Variants in NCAPH2 observed in about 807,000 individuals in gnomAD.
The protein encoded by NCAPH2 is non-SMC condensin II complex subunit H2, also known as condensin-2 complex subunit H2.
Under a neutral mutation model 88.6 loss-of-function variants are expected in NCAPH2, and 56 were observed. The observed-to-expected ratio is 0.63, with a 90% CI of 0.51 to 0.79. The LOEUF (loss-of-function observed/expected upper bound fraction) is 0.79. Ranked by LOEUF, NCAPH2 falls within the 30% of genes least tolerant of loss-of-function variation. The probability of loss-of-function intolerance (pLI) is 0.00; values close to 1 mark genes in which losing one functional copy is unlikely to be tolerated. For synonymous variants in NCAPH2, 378 were observed against 313.6 expected, an observed-to-expected ratio of 1.21 and a Z score of -2.17; for missense variants, 794 against 792.0, an observed-to-expected ratio of 1.00 and a Z score of -0.03.
intron 1 of NCAPH2, among the ~76,000 whole-genome samples, chr22:50,511,328 C>T (rs1464238253): frequency 1.5e-5 from 2 of 132,736 alleles, no homozygotes; most frequent in Non-Finnish European, 3.0e-5. Context: ...CTCACTCTGT[C>T]GCCCAGGCTG....
At chr22:50,518,825 C>T (rs1336226991) in intron 8 of NCAPH2, 93 bp downstream of exon 8, 12 of 1,241,394 alleles carry the variant, frequency 9.7e-6, no homozygotes, top group Non-Finnish European at 4.5e-6. Flanking sequence ...AGGGGCTGCT[C>T]TCAGCTGCCA....
rs140833290 is a variant in NCAPH2 at position 50,517,453 on chromosome 22, C to T, written c.237C>T (p.Tyr79=). ...KKVEYLYSLV[Y]QALDFISGKR... ...TGGAATACCTCTACTCACTCGTCTACCAGGCCCTTGATTTCATCTCTGGAA... is the reference window on the plus strand; with the variant it reads ...TGGAATACCTCTACTCACTCGTCTATCAGGCCCTTGATTTCATCTCTGGAA... The change falls in exon 3 of 20, where the codon TAC becomes TAT. Residue 79 remains tyrosine, a synonymous_variant. Coordinates refer to ENST00000420993, the MANE Select transcript of NCAPH2 (RefSeq NM_152299.4). The T allele has an allele frequency of 1.7e-4, 274 of 1,613,938 alleles. No homozygotes were observed. The highest frequency in any genetic ancestry group is 2.3e-4 in the Non-Finnish European group (267 of 1,180,040).
chr22:50,517,531 G>GC, intron 3 of NCAPH2, 46 bp from the exon 4 acceptor site: 1 of 1,613,922 alleles, frequency 6.2e-7, no homozygotes, highest in South Asian at 1.1e-5. Flanking sequence ...GGCCAGGGAG[G>GC]CCCCTGCAGC....
rs375795527 is a variant in NCAPH2 at position 50,523,872 on chromosome 22, G to T, written c.*497G>T. ...ACAGTCTTGGGTGGAAGTCCTGGAC[G>T]TAGCGGGCCATGGCTTCAACGTCGT... On this transcript the variant is annotated 3_prime_UTR_variant, in exon 20 of 20. Transcript: ENST00000420993. 6.2e-7 allele frequency: 1 copy of T among 1,613,844 alleles called. No homozygotes were observed. The highest frequency in any genetic ancestry group is 8.5e-7 in the Non-Finnish European group (1 of 1,180,044).
chr22:50,517,748 C>G lies in NCAPH2; in HGVS notation c.359C>G (p.Ser120Trp), dbSNP rs749838289. 1.2e-6 allele frequency: 2 copies of G among 1,613,912 alleles called. No individual in the cohort carries two copies. The highest frequency in any genetic ancestry group is 1.7e-6 in the Non-Finnish European group (2 of 1,180,040). The change falls in exon 5 of 20, where the codon TCG becomes TGG. Residue 120 changes from serine (S) to tryptophan (W), a missense_variant. This residue lies in a region of NCAPH2 where 735 missense variants were observed against 696.3 expected (regional missense o/e 1.06). Transcript: ENST00000420993. ...AGCTCTGTCTCCCTCCAGTTCCTGTCGCTGGATGACTTCCCTGACTCCCGG... is the reference window on the plus strand; with the variant it reads ...AGCTCTGTCTCCCTCCAGTTCCTGTGGCTGGATGACTTCCCTGACTCCCGG... ...VPQEAENEFL[S>W]LDDFPDSRTN...
intron 1 of NCAPH2, among the ~76,000 whole-genome samples, chr22:50,513,505 T>C (rs1041736011): frequency 5.9e-5 from 9 of 152,126 alleles, no homozygotes; most frequent in African/African-American, 2.2e-4. Context: ...ACGCCTGTAA[T>C]GCTAGCACTT....
At position 50,522,503 on chromosome 22, in the gene NCAPH2, G is replaced by A; in HGVS notation, c.1309G>A (p.Asp437Asn). 2.5e-6 allele frequency: 4 copies of A among 1,613,568 alleles called. No homozygotes were observed. The South Asian group carries it at 4.4e-5, about 18-fold the overall frequency. Residue 437 changes from aspartate to asparagine, a missense_variant and splice_region_variant, in exon 16 of 20, where the codon GAC becomes AAC. Asp to Asn is a conservative substitution (Grantham distance 23). Transcript: ENST00000420993. ...DSLEDLGAAD[D>N]FLEPEEYMEP... ...TTCACTCTCCCACCTCCCAGCAGAT[G>A]ACTTTCTAGAGCCTGAGGAGTACAT...
rs746346302 is a variant in NCAPH2, at chr22:50,523,810, G to A, written c.*435G>A. The A allele has an allele frequency of 1.9e-6, 3 of 1,614,018 alleles. No homozygotes were observed. The highest frequency in any genetic ancestry group is 1.7e-5 in the Admixed American group (1 of 60,006). On this transcript the variant is annotated 3_prime_UTR_variant, in exon 20 of 20. Transcript: ENST00000420993. ...GTAGTACACGCGGTAACTGTGACTA[G>A]CCTGGGCAACCTGTTTGGTGGAGCC...
At position 50,518,672 on chromosome 22, in the gene NCAPH2, C is replaced by A. The variant is rs1308848420; in HGVS notation, c.670C>A (p.Pro224Thr). 1 of 1,609,160 alleles carries A rather than the reference C, an allele frequency of 6.2e-7. No individual in the cohort carries two copies. Among genetic ancestry groups the A allele is most frequent in the African/African-American group, 1.3e-5 (1 of 74,864 alleles). Residue 224 changes from proline (P) to threonine (T), a missense_variant, in exon 8 of 20, where the codon CCA (proline) becomes ACA (threonine). Pro to Thr is a conservative substitution (Grantham distance 38). Coordinates refer to ENST00000420993, the MANE Select transcript of NCAPH2 (RefSeq NM_152299.4). ...AGACACCGGGAGGACTGAGGAGCAGCCAATGGAAGTTTCCGTGTGCAGGAG... is the reference window on the plus strand; with the variant it reads ...AGACACCGGGAGGACTGAGGAGCAGACAATGGAAGTTTCCGTGTGCAGGAG... ...QKDTGRTEEQ[P>T]MEVSVCRSPV... is the part of the protein sequence containing the mutation.
At chr22:50,517,884 G>A (rs1297013275) in intron 5 of NCAPH2, 75 bp downstream of exon 5, 2 of 1,602,230 alleles carry the variant, frequency 1.2e-6, no homozygotes, top group African/African-American at 2.7e-5. Flanking sequence ...AGCTGATGGG[G>A]TGTGGGAAGG....
At chr22:50,516,738 G>C (rs576297520) in intron 2 of NCAPH2, among the ~76,000 whole-genome samples, 190 bp downstream of exon 2, 8 of 152,336 alleles carry the variant, frequency 5.3e-5, no homozygotes, top group Admixed American at 3.9e-4. Flanking sequence ...CAGCCAGGCA[G>C]GGAGGGTCTT....
At chr22:50,522,291 G>A in intron 14 of NCAPH2, 40 bp downstream of exon 14, 1 of 1,608,810 alleles carries the variant, frequency 6.2e-7, no homozygotes, top group Admixed American at 1.7e-5. Context: ...GGACCCCGTG[G>A]TGGCCCTGAT....
At position 50,517,941 on chromosome 22, in the gene NCAPH2, G is replaced by T. The variant is rs147583129; in HGVS notation, c.421-32G>T. ...CTGTTCTCCACTGGAGTGGAAGGGT[G>T]CCTGGCTCACCCACCCTTGGCCTCC... On this transcript the variant is annotated intron_variant, in intron 5 of 19. Coordinates refer to ENST00000420993, the MANE Select transcript of NCAPH2 (RefSeq NM_152299.4). 132 of 1,609,520 alleles carry T rather than the reference G, an allele frequency of 8.2e-5. No homozygotes were observed. The East Asian group carries it at 2.9e-3, about 35-fold the overall frequency.
chr22:50,519,420 T>C, intron 9 of NCAPH2, 100 bp downstream of exon 9: 9 of 1,515,136 alleles, frequency 5.9e-6, no homozygotes, highest in Non-Finnish European at 7.1e-6. Flanking sequence ...GGTATGGCCT[T>C]GGCCCCAGAC....
chr22:50,514,140 C>T (rs1167095700), intron 1 of NCAPH2, among the ~76,000 whole-genome samples: 21 of 151,856 alleles, frequency 1.4e-4, no homozygotes, highest in Admixed American at 1.3e-3. Flanking sequence ...CAGAAGGTTC[C>T]AAGTTGGGAC....
chr22:50,519,518 C>G, intron 9 of NCAPH2, 198 bp downstream of exon 9: 4 of 1,416,910 alleles, frequency 2.8e-6, no homozygotes, highest in Non-Finnish European at 3.7e-6. Flanking sequence ...CCTCCCCTCT[C>G]TGAGCAGAAC....
Position 50,517,492 on chromosome 22 carries a change from G to A in NCAPH2, c.266+10G>A. 1 of 1,613,994 alleles carries A rather than the reference G, an allele frequency of 6.2e-7. No homozygotes were observed. The highest frequency in any genetic ancestry group is 8.5e-7 in the Non-Finnish European group (1 of 1,180,004). On this transcript the variant is annotated intron_variant, in intron 3 of 19. Coordinates refer to ENST00000420993, the MANE Select transcript of NCAPH2 (RefSeq NM_152299.4). ...TCATCTCTGGAAAGAGGTGAGTTCT[G>A]CAGCCACTCACTGTGCTGCCCTGCA... is the stretch of plus-strand genomic sequence containing the variant.
At position 50,522,506 on chromosome 22, in the gene NCAPH2, T is replaced by C. The variant is rs1476851448; in HGVS notation, c.1312T>C (p.Phe438Leu). Residue 438 changes from phenylalanine (F) to leucine (L), a missense_variant, in exon 16 of 20, where the codon TTT becomes CTT. By Grantham distance (22) the Phe-to-Leu change is conservative. Transcript: ENST00000420993. The stretch of plus-strand genomic sequence containing the variant: ...ACTCTCCCACCTCCCAGCAGATGAC[T>C]TTCTAGAGCCTGAGGAGTACATGGA... ...SLEDLGAADD[F>L]LEPEEYMEPE... 6.2e-7 allele frequency: 1 copy of C among 1,613,312 alleles called. No individual in the cohort carries two copies. Among genetic ancestry groups the C allele is most frequent in the Non-Finnish European group, 8.5e-7 (1 of 1,179,910 alleles).
intron 1 of NCAPH2, among the ~76,000 whole-genome samples, chr22:50,508,974 G>T (rs892740515): frequency 3.3e-5 from 5 of 152,202 alleles, no homozygotes; most frequent in African/African-American, 1.2e-4. Context: ...GCCCAGCTCA[G>T]TCTGGCGTCC....
Sources: allele counts gnomAD v4.1 joint callset (sites outside exome capture counted in the v4.1 genomes callset), GRCh38; gene constraint gnomAD v4.1.1; regional missense constraint gnomAD v4.1.1; transcripts MANE v1.5; gene names NCBI Gene and HGNC (gene_info 2026-07-23, HGNC 2026-07-21).